GTF2H5: variants seen among roughly 807,000 people sequenced by gnomAD.
GTF2H5 encodes the protein TFB5 ortholog.
GTF2H5 carries 5 observed loss-of-function variants against 7.1 expected under a neutral mutation model. The observed-to-expected ratio is 0.71, with a 90% CI of 0.37 to 1.49. GTF2H5 has a LOEUF of 1.49. Among genes scored for constraint, GTF2H5 ranks in the 40% most tolerant of loss-of-function variants. The pLI is 0.03. For missense variants in GTF2H5, 80 were observed against 83.0 expected (o/e 0.96, Z 0.14); for synonymous variants, 30 against 31.7 (o/e 0.95, Z 0.18).
chr6:158,187,215 C>T (rs1485671804), intron 2 of GTF2H5, among the ~76,000 whole-genome samples: 2 of 151,874 alleles, frequency 1.3e-5, no homozygotes, highest in African/African-American at 2.4e-5. Context: ...AGGCTGGTCT[C>T]GAACTCCTGA....
rs760454125 is a variant in GTF2H5, at chr6:158,191,945, G to A, written c.36-32G>A. 1.9e-6 allele frequency: 3 copies of A among 1,568,318 alleles called. No homozygotes were observed. In the East Asian group the frequency reaches 6.7e-5, roughly 35 times the overall value. ...TCTCTGTGATGTGATTTGACAACAA[G>A]CTGTCTTACAATCATGTGTTTGTCT... On this transcript the variant is annotated intron_variant, in intron 2 of 2. Coordinates refer to ENST00000607778, the MANE Select transcript of GTF2H5 (RefSeq NM_207118.3).
chr6:158,188,431 G>A (rs1776964300), intron 2 of GTF2H5, among the ~76,000 whole-genome samples: 1 of 152,104 alleles, frequency 6.6e-6, no homozygotes, highest in South Asian at 2.1e-4. Context: ...TGTCCTATAG[G>A]CCTCATTTTC....
chr6:158,175,663 C>T (rs1785923924), intron 2 of GTF2H5, among the ~76,000 whole-genome samples: 1 of 151,912 alleles, frequency 6.6e-6, no homozygotes, highest in Non-Finnish European at 1.5e-5. Flanking sequence ...ACTGGGGAGG[C>T]TGAGGCAGGA....
intron 2 of GTF2H5, among the ~76,000 whole-genome samples, chr6:158,175,049 C>T (rs866426355): frequency 0.023 from 1,174 of 51,442 alleles, 16 homozygotes; most frequent in African/African-American, 0.092. Context: ...TGTGTGTATA[C>T]ACACACACAC....
chr6:158,191,664 A>G (rs892785520), intron 2 of GTF2H5, among the ~76,000 whole-genome samples: 2 of 152,038 alleles, frequency 1.3e-5, no homozygotes, highest in Non-Finnish European at 2.9e-5. Context: ...TTGTATTTTT[A>G]GTAGAGACGG....
chr6:158,187,155 C>T (rs982533774), intron 2 of GTF2H5, among the ~76,000 whole-genome samples: 25 of 151,772 alleles, frequency 1.6e-4, no homozygotes, highest in Admixed American at 1.6e-3. Context: ...CCACCACGCC[C>T]GGCTAATTTT....
At chr6:158,184,740 A>G (rs1325470759) in intron 2 of GTF2H5, among the ~76,000 whole-genome samples, 1 of 152,240 alleles carries the variant, frequency 6.6e-6, no homozygotes, top group Admixed American at 6.5e-5. Context: ...GCCAGTTATT[A>G]TCAAGAAAGA....
Position 158,192,380 on chromosome 6 carries a change from G to C in GTF2H5, c.*223G>C. 1 of 511,324 alleles carries C rather than the reference G, an allele frequency of 2.0e-6. No individual in the cohort carries two copies. The highest frequency in any genetic ancestry group is 2.2e-5 in the South Asian group (1 of 45,164). The allele number at this position is 511,324 out of a possible 1,614,324, so 31.7% of individuals were successfully genotyped here. On this transcript the variant is annotated 3_prime_UTR_variant, in exon 3 of 3. Coordinates refer to ENST00000607778, the MANE Select transcript of GTF2H5 (RefSeq NM_207118.3). The stretch of plus-strand genomic sequence containing the variant: ...AGCTTTAACAGTTGGCTGTAATTTG[G>C]CTTTTATTATCCTTTATTAAAATAC...
At chr6:158,190,241 C>T (rs909598438) in intron 2 of GTF2H5, among the ~76,000 whole-genome samples, 1 of 152,084 alleles carries the variant, frequency 6.6e-6, no homozygotes, top group African/African-American at 2.4e-5. Flanking sequence ...CTTACACATT[C>T]CTCTTTATCT....
rs1380298498 is a variant in GTF2H5, at chr6:158,176,969, C to T, written c.35+6431C>T. Among the ~76,000 whole-genome samples the T allele has an allele frequency of 3.9e-5, 6 of 152,342 alleles. No homozygotes were observed. The South Asian group carries it at 6.2e-4, about 16-fold the overall frequency. Reference sequence around the variant, plus strand: ...TTAAGAAAGCCTTTAAGCGGTTTTCCGCCCTGGGTGGGCCAGGTGTTCCTT... The same window carrying T: ...TTAAGAAAGCCTTTAAGCGGTTTTCTGCCCTGGGTGGGCCAGGTGTTCCTT... On this transcript the variant is annotated intron_variant, in intron 2 of 2. Transcript: ENST00000607778.
chr6:158,178,744 G>T (rs1249518113), intron 2 of GTF2H5, among the ~76,000 whole-genome samples: 6 of 152,150 alleles, frequency 3.9e-5, no homozygotes, highest in African/African-American at 1.4e-4. Context: ...GTAGATTCTG[G>T]ATATTAGCCC....
intron 2 of GTF2H5, among the ~76,000 whole-genome samples, chr6:158,176,030 C>T (rs1028178014): frequency 6.6e-6 from 1 of 152,174 alleles, no homozygotes; most frequent in African/African-American, 2.4e-5. Context: ...GTTTTCACAA[C>T]AGCCCTTTGA....
chr6:158,169,791 A>G (rs1485575780), intron 1 of GTF2H5, among the ~76,000 whole-genome samples: 2 of 113,320 alleles, frequency 1.8e-5, no homozygotes, highest in Non-Finnish European at 3.4e-5. Context: ...TATATTATAT[A>G]TTATATATTG....
intron 1 of GTF2H5, among the ~76,000 whole-genome samples, chr6:158,168,890 G>A (rs1206964685): frequency 6.6e-6 from 1 of 152,154 alleles, no homozygotes; most frequent in Non-Finnish European, 1.5e-5. Context: ...TTGAGGCCAG[G>A]AGTTCGAGAC....
At chr6:158,168,570 C>T (rs926080994) in intron 1 of GTF2H5, among the ~76,000 whole-genome samples, 175 bp downstream of exon 1, 8 of 152,192 alleles carry the variant, frequency 5.3e-5, no homozygotes, top group Non-Finnish European at 5.9e-5. Flanking sequence ...GCACGGCAGT[C>T]CCCCCCTCGT....
intron 2 of GTF2H5, among the ~76,000 whole-genome samples, chr6:158,175,933 ATGT>A (rs532008629): frequency 3.9e-4 from 60 of 152,320 alleles, no homozygotes; most frequent in African/African-American, 1.3e-3. Context: ...CTGTACAATG[ATGT>A]TAAGTGAAAA....
intron 2 of GTF2H5, among the ~76,000 whole-genome samples, chr6:158,179,205 A>AT: frequency 6.6e-6 from 1 of 152,248 alleles, no homozygotes; most frequent in Middle Eastern, 3.4e-3. Flanking sequence ...ATTGGTCTAT[A>AT]TATCTGTTTT....
intron 2 of GTF2H5, among the ~76,000 whole-genome samples, chr6:158,172,372 C>T (rs527549577): frequency 1.1e-4 from 16 of 150,650 alleles, no homozygotes; most frequent in Non-Finnish European, 2.4e-4. Context: ...AGTGCAGTGG[C>T]GCGATCTTGG....
In GTF2H5 at chr6:158,179,650, T is replaced by C. The variant is rs148107048; in HGVS notation, c.35+9112T>C. On this transcript the variant is annotated intron_variant, in intron 2 of 2. Transcript: ENST00000607778. ...GATTTGGCTCTCTGTTTGTCTGTTA[T>C]TGGTGTATAGGAATGCTTGTGATTT... 5.6e-3 allele frequency among the ~76,000 whole-genome samples: 848 copies of C among 152,322 alleles called. 4 individuals are homozygous for C. The highest frequency in any genetic ancestry group is 9.5e-3 in the Non-Finnish European group (643 of 68,034).
Sources: gnomAD v4.1 joint callset for allele counts (sites outside exome capture counted in the v4.1 genomes callset) on GRCh38, gnomAD v4.1.1 for gene constraint, MANE v1.5 for transcripts, NCBI Gene and HGNC (gene_info 2026-07-23, HGNC 2026-07-21) for gene names.